FBXW10: variants seen among roughly 807,000 people sequenced by gnomAD.
FBXW10 encodes F-box and WD repeat domain containing 10.
In FBXW10, 68 loss-of-function variants were observed where a neutral mutation model predicts 113.1. That is an observed-to-expected ratio of 0.60 (90% CI 0.49 to 0.74). FBXW10 has a LOEUF of 0.74. FBXW10 is among the 30% of genes least tolerant of loss of function. The pLI, the probability that FBXW10 is intolerant of heterozygous loss-of-function variation, is 0.00. For missense variants in FBXW10, 753 were observed against 1,284.5 expected (o/e 0.59, Z 6.32); for synonymous variants, 289 against 481.6 (o/e 0.60, Z 5.24).
At chr17:18,753,744 C>G (rs2035211231) in intron 5 of FBXW10, among the ~76,000 whole-genome samples, 1 of 151,938 alleles carries the variant, frequency 6.6e-6, no homozygotes, top group Non-Finnish European at 1.5e-5. Flanking sequence ...CATGGTGGTG[C>G]ATGCCTATAA....
rs370320215 is a variant in FBXW10 at position 18,748,094 on chromosome 17, C to T, written c.659C>T (p.Ala220Val). ...GAAAATGAACACTTGCTTGGGGCAG[C>T]ATCTAACCCTGGTAAGTGAACTTTC... ...APENEHLLGA[A>V]SNPEEPWRNS... The change falls in exon 2 of 14, where the codon GCA becomes GTA. Residue 220 changes from alanine (A) to valine (V), a missense_variant. Physicochemically the swap from Ala to Val is moderately conservative, Grantham distance 64. Transcript: ENST00000395665. The T allele has an allele frequency of 1.2e-6, 2 of 1,613,768 alleles. No homozygotes were observed. The highest frequency in any genetic ancestry group is 1.7e-6 in the Non-Finnish European group (2 of 1,179,858).
intron 5 of FBXW10, 33 bp downstream of exon 5, chr17:18,751,086 G>A: frequency 6.2e-7 from 1 of 1,613,258 alleles, no homozygotes; most frequent in Non-Finnish European, 8.5e-7. Flanking sequence ...GCAAGTAGCT[G>A]TGAGCGTCTC....
At position 18,759,470 on chromosome 17, in the gene FBXW10, A is replaced by G. The variant is rs183182349; in HGVS notation, c.1433+965A>G. 2.6e-5 allele frequency among the ~76,000 whole-genome samples: 4 copies of G among 151,776 alleles called. No homozygotes were observed. In the East Asian group the frequency reaches 7.7e-4, roughly 29 times the overall value. ...AAATTTGTTGGTACCTCATTCTTAC[A>G]TGGAACTGTTTTTGAGATTCACCTA... On this transcript the variant is annotated intron_variant, in intron 7 of 13. Coordinates refer to ENST00000395665, the MANE Select transcript of FBXW10 (RefSeq NM_001267585.2).
At chr17:18,771,708 A>G (rs186076107) in intron 11 of FBXW10, among the ~76,000 whole-genome samples, 1 of 152,324 alleles carries the variant, frequency 6.6e-6, no homozygotes, top group Admixed American at 6.5e-5. Flanking sequence ...GCTTAAAACA[A>G]ACAAAGAAAC....
intron 10 of FBXW10, among the ~76,000 whole-genome samples, chr17:18,769,058 T>C (rs544357344): frequency 2.8e-3 from 430 of 151,432 alleles, no homozygotes; most frequent in Non-Finnish European, 5.4e-3. Context: ...GTCTCAGCTT[T>C]CTAAGTAGCT....
At chr17:18,758,713 T>A (rs1416967596) in intron 7 of FBXW10, among the ~76,000 whole-genome samples, 4 of 144,894 alleles carry the variant, frequency 2.8e-5, no homozygotes, top group Non-Finnish European at 6.0e-5. Context: ...TTATAACAGT[T>A]ATCAGATATA....
chr17:18,778,791 T>G lies in FBXW10; in HGVS notation c.2652T>G (p.Ile884Met). 1.9e-6 allele frequency: 3 copies of G among 1,613,824 alleles called. No individual in the cohort carries two copies. Among genetic ancestry groups the G allele is most frequent in the Non-Finnish European group, 2.5e-6 (3 of 1,179,832 alleles). Residue 884 changes from isoleucine (I) to methionine (M), a missense_variant, in exon 14 of 14, where the codon ATT becomes ATG. Transcript: ENST00000395665. ...CTATAGATGTGAAACGAACCAGTAT[T>G]CCCCTTGAAATCCAGAAACTGCAGC... ...NPPIDVKRTS[I>M]PLEIQKLQPN...
chr17:18,745,778 T>C (rs1456348708), intron 1 of FBXW10, among the ~76,000 whole-genome samples: 6 of 152,204 alleles, frequency 3.9e-5, no homozygotes, highest in Admixed American at 2.6e-4. Flanking sequence ...GGATCTGTCT[T>C]TGAGAATCAC....
At chr17:18,774,519 C>T (rs1370462576) in intron 12 of FBXW10, among the ~76,000 whole-genome samples, 6 of 152,230 alleles carry the variant, frequency 3.9e-5, no homozygotes, top group African/African-American at 1.4e-4. Context: ...TATAGCCGGG[C>T]GCAGTGACTC....
chr17:18,762,706 T>G (rs1019611682), intron 7 of FBXW10, among the ~76,000 whole-genome samples: 1 of 152,218 alleles, frequency 6.6e-6, no homozygotes, highest in Non-Finnish European at 1.5e-5. Context: ...TCCAGTGCCA[T>G]GGCAGGCAGT....
In FBXW10 at chr17:18,769,242, C is replaced by A. The variant is rs557620413; in HGVS notation, c.1847+566C>A. Among the ~76,000 whole-genome samples, 15 of 152,088 alleles carry A rather than the reference C, an allele frequency of 9.9e-5. 1 individual carries two copies. The South Asian group carries it at 3.1e-3, about 32-fold the overall frequency. ...GAGCCACCTTGCCCAGCCAATAATA[C>A]TATTTTAGAAAGAATCAAAACATTA... On this transcript the variant is annotated intron_variant, in intron 10 of 13. Coordinates refer to ENST00000395665, the MANE Select transcript of FBXW10 (RefSeq NM_001267585.2).
At chr17:18,767,166 T>C (rs1372250322) in intron 9 of FBXW10, among the ~76,000 whole-genome samples, 1 of 151,936 alleles carries the variant, frequency 6.6e-6, no homozygotes, top group Non-Finnish European at 1.5e-5. Flanking sequence ...TACCTTTTTC[T>C]CCTCCAGAGT....
At chr17:18,748,219 A>G in intron 2 of FBXW10, 114 bp downstream of exon 2, 1 of 1,496,930 alleles carries the variant, frequency 6.7e-7, no homozygotes, top group Non-Finnish European at 8.9e-7. Flanking sequence ...GGAGATCGAG[A>G]CCATCCTGGC....
At chr17:18,762,827 C>A (rs1359603362) in intron 7 of FBXW10, among the ~76,000 whole-genome samples, 1 of 150,252 alleles carries the variant, frequency 6.7e-6, no homozygotes, top group African/African-American at 2.5e-5. Flanking sequence ...ATACCTTTTA[C>A]TAAATCTGGA....
intron 11 of FBXW10, among the ~76,000 whole-genome samples, chr17:18,771,072 G>T (rs575351091): frequency 7.3e-5 from 11 of 150,884 alleles, no homozygotes; most frequent in Non-Finnish European, 1.3e-4. Flanking sequence ...TGGTAATAAG[G>T]CTCAATTAAT....
At chr17:18,749,989 G>T (rs767505981) in intron 3 of FBXW10, 21 bp from the exon 4 acceptor site, 1 of 1,613,888 alleles carries the variant, frequency 6.2e-7, no homozygotes. Context: ...GGGGTTTCTG[G>T]GTCCATCTTT....
At chr17:18,746,835 TC>T (rs1030038576) in intron 1 of FBXW10, among the ~76,000 whole-genome samples, 4 of 151,974 alleles carry the variant, frequency 2.6e-5, no homozygotes, top group Non-Finnish European at 5.9e-5. Flanking sequence ...ACAGTGCTCT[TC>T]CAAAACTTCA....
chr17:18,750,175 C>T, intron 4 of FBXW10, 38 bp downstream of exon 4: 3 of 1,569,108 alleles, frequency 1.9e-6, no homozygotes, highest in Non-Finnish European at 1.7e-6. Flanking sequence ...TGTCTGAGAC[C>T]AGCTTCATTT....
rs1396228403 is a variant in FBXW10, at chr17:18,749,884, T to C, written c.833T>C (p.Ile278Thr). ...GGGTTCAGCAAATACCGAGACTTCA[T>C]CCGTTACCTGCCCATCCACCTCTCC... Reference protein sequence around the residue: ...SSGFSKYRDFIRYLPIHLSKY... With the variant: ...SSGFSKYRDFTRYLPIHLSKY... Residue 278 changes from isoleucine to threonine, a missense_variant, in exon 3 of 14, where the codon ATC (isoleucine) becomes ACC (threonine). By Grantham distance (89) the Ile-to-Thr change is moderately conservative. Transcript: ENST00000395665. 1 of 1,613,844 alleles carries C rather than the reference T, an allele frequency of 6.2e-7. No individual in the cohort carries two copies. The highest frequency in any genetic ancestry group is 1.3e-5 in the African/African-American group (1 of 74,916).
Sources: allele counts gnomAD v4.1 joint callset (sites outside exome capture counted in the v4.1 genomes callset), GRCh38; gene constraint gnomAD v4.1.1; transcripts MANE v1.5; gene names NCBI Gene and HGNC (gene_info 2026-07-23, HGNC 2026-07-21).